Variants in CHMP3 observed in about 807,000 individuals in gnomAD.
CHMP3 encodes the protein charged multivesicular body protein 3.
A neutral mutation model predicts 27.4 loss-of-function variants in CHMP3; 8 were observed. The observed-to-expected ratio is 0.29, with a 90% confidence interval of 0.17 to 0.53. CHMP3 has a LOEUF of 0.53. CHMP3 is among the 20% of genes least tolerant of loss of function. CHMP3 has a pLI of 0.96. For synonymous variants in CHMP3, 86 were observed against 85.5 expected (o/e 1.01, Z -0.03); for missense variants, 208 against 271.5 (o/e 0.77, Z 1.64).
rs749582111 is a variant in CHMP3 at position 86,548,341 on chromosome 2, C to T, written c.46-6029G>A. Among the ~76,000 whole-genome samples, 39 of 152,158 alleles carry T rather than the reference C, an allele frequency of 2.6e-4. 1 individual carries two copies. Among genetic ancestry groups the T allele is most frequent in the Admixed American group, 9.2e-4 (14 of 15,292 alleles). On this transcript the variant is annotated intron_variant, in intron 1 of 5. Transcript: ENST00000263856. ...CTAGGCAGAGGTTCCTGCGGCCTTC[C>T]GCAGTATTTGTGTCCCTGGGTACGT... is the stretch of plus-strand genomic sequence containing the variant.
At chr2:86,533,775 G>A (rs1676014973) in intron 2 of CHMP3, among the ~76,000 whole-genome samples, 1 of 62 alleles carries the variant, frequency 0.016, no homozygotes, top group Admixed American at 0.17. Context: ...AAAGTGTTGG[G>A]ATTAAGCCAC....
intron 2 of CHMP3, among the ~76,000 whole-genome samples, chr2:86,532,274 AT>A (rs558456758): frequency 7.9e-5 from 12 of 152,056 alleles, no homozygotes; most frequent in African/African-American, 1.4e-4. Context: ...GAGAAATACA[AT>A]TTTTTTTGGT....
At chr2:86,527,088 G>A (rs1675743662) in intron 3 of CHMP3, 2 of 151,756 alleles carry the variant, frequency 1.3e-5, no homozygotes, top group Admixed American at 1.3e-4. Flanking sequence ...TAATATAGAA[G>A]CAGGCAAATA....
In CHMP3 at chr2:86,503,577, A is replaced by G. The variant is rs575022259; in HGVS notation, c.*2227T>C. ...AAGAAGTCTTTCAATAGGTGAATGG[A>G]TAAACTATTCATCTAGACAATGGAG... On this transcript the variant is annotated 3_prime_UTR_variant, in exon 6 of 6. Transcript: ENST00000263856. The G allele has an allele frequency of 2.0e-5, 3 of 152,232 alleles. No homozygotes were observed. The highest frequency in any genetic ancestry group is 2.0e-4 in the Admixed American group (3 of 15,282). The allele number at this position is 152,232 out of a possible 1,614,324, so 9.4% of individuals were successfully genotyped here. A position where few individuals can be genotyped will look rare whatever the true frequency, so the allele number is the denominator to read the frequency against.
chr2:86,553,182 CCCTTGAACTTA>C (rs1478291967), intron 1 of CHMP3, among the ~76,000 whole-genome samples: 1 of 151,354 alleles, frequency 6.6e-6, no homozygotes, highest in Non-Finnish European at 1.5e-5. Flanking sequence ...TGCACATACA[CCCTTGAACTTA>C]AAAGTTGGAG....
At chr2:86,546,190 G>A (rs371530696) in intron 1 of CHMP3, among the ~76,000 whole-genome samples, 5 of 152,266 alleles carry the variant, frequency 3.3e-5, no homozygotes, top group East Asian at 3.9e-4. Context: ...GTGAAACCCC[G>A]TCGTCTCCAC....
At chr2:86,529,104 A>G in intron 3 of CHMP3, 114 bp downstream of exon 3, 1 of 1,230,986 alleles carries the variant, frequency 8.1e-7, no homozygotes, top group Non-Finnish European at 1.1e-6. Context: ...CTCAACACTA[A>G]GAAAATACAA....
At chr2:86,563,166 C>A in intron 1 of CHMP3, 138 bp downstream of exon 1, 1 of 1,021,588 alleles carries the variant, frequency 9.8e-7, no homozygotes, top group Non-Finnish European at 1.5e-6. Context: ...TCCGGCCCCC[C>A]TGTCGAGTGG....
At chr2:86,523,372 T>C (rs747778738) in intron 3 of CHMP3, among the ~76,000 whole-genome samples, 5 of 152,234 alleles carry the variant, frequency 3.3e-5, no homozygotes, top group Non-Finnish European at 5.9e-5. Context: ...TCCTAGTGCA[T>C]ATCACAGTAA....
At chr2:86,546,044 T>C (rs1676585633) in intron 1 of CHMP3, among the ~76,000 whole-genome samples, 1 of 152,082 alleles carries the variant, frequency 6.6e-6, no homozygotes, top group Admixed American at 6.5e-5. Context: ...CGAGCTGAGA[T>C]CACGCCACTG....
intron 3 of CHMP3, among the ~76,000 whole-genome samples, chr2:86,513,843 G>A (rs758235987): frequency 6.6e-6 from 1 of 152,194 alleles, no homozygotes; most frequent in African/African-American, 2.4e-5. Context: ...CCAGAGAGCC[G>A]TTGGGCTTTT....
chr2:86,508,230 C>G (rs985797564), intron 4 of CHMP3, among the ~76,000 whole-genome samples: 4 of 152,168 alleles, frequency 2.6e-5, no homozygotes, highest in Non-Finnish European at 4.4e-5. Flanking sequence ...AGTCCTGTGC[C>G]TGGCAGCCTG....
intron 1 of CHMP3, among the ~76,000 whole-genome samples, chr2:86,546,583 G>C (rs369057940): frequency 1.3e-5 from 2 of 151,794 alleles, no homozygotes; most frequent in Non-Finnish European, 2.9e-5. Flanking sequence ...GATTACAGGC[G>C]CTCACCACCA....
intron 2 of CHMP3, among the ~76,000 whole-genome samples, chr2:86,531,062 A>T (rs1257533951): frequency 6.6e-6 from 1 of 152,064 alleles, no homozygotes; most frequent in Admixed American, 6.5e-5. Flanking sequence ...TTCTGTATAT[A>T]CTCTGAATAC....
chr2:86,558,758 C>T (rs1337088880), intron 1 of CHMP3, among the ~76,000 whole-genome samples: 1 of 151,820 alleles, frequency 6.6e-6, no homozygotes, highest in African/African-American at 2.4e-5. Context: ...GAGACTACAG[C>T]ATTTAGTCAA....
At chr2:86,515,568 G>T (rs986247714) in intron 3 of CHMP3, among the ~76,000 whole-genome samples, 10 of 151,972 alleles carry the variant, frequency 6.6e-5, no homozygotes. Context: ...TGATCCACCC[G>T]CCTCAGCCTC....
At chr2:86,515,726 T>C (rs920287807) in intron 3 of CHMP3, among the ~76,000 whole-genome samples, 1 of 152,152 alleles carries the variant, frequency 6.6e-6, no homozygotes, top group Non-Finnish European at 1.5e-5. Flanking sequence ...AAACAATAAA[T>C]GAATTTAACA....
At chr2:86,550,750 AT>A (rs892568812) in intron 1 of CHMP3, among the ~76,000 whole-genome samples, 4 of 152,170 alleles carry the variant, frequency 2.6e-5, no homozygotes, top group African/African-American at 9.7e-5. Context: ...AAAAAAACAA[AT>A]GGTTGGCTGC....
intron 3 of CHMP3, among the ~76,000 whole-genome samples, chr2:86,522,343 C>T (rs1675550161): frequency 6.6e-6 from 1 of 152,198 alleles, no homozygotes; most frequent in African/African-American, 2.4e-5. Flanking sequence ...TTCCTTCCTG[C>T]CTTGTCCCAA....
Sources: gnomAD v4.1 joint callset for allele counts (sites outside exome capture counted in the v4.1 genomes callset) on GRCh38, gnomAD v4.1.1 for gene constraint, MANE v1.5 for transcripts, NCBI Gene and HGNC (gene_info 2026-07-23, HGNC 2026-07-21) for gene names.